Variants in ARFGEF3 observed in about 807,000 individuals in gnomAD.
The protein encoded by ARFGEF3 is brefeldin A-inhibited guanine nucleotide-exchange protein 3.
ARFGEF3 carries 96 observed loss-of-function variants against 221.7 expected under a neutral mutation model. The observed-to-expected ratio is 0.43, with a 90% confidence interval of 0.37 to 0.51. The LOEUF is 0.51. Among genes scored for constraint, ARFGEF3 ranks in the 20% least tolerant of loss-of-function variants. The pLI is 0.00. For synonymous variants in ARFGEF3, 1,145 were observed against 1,126.8 expected (o/e 1.02, Z -0.32); for missense variants, 2,410 against 2,789.9 (o/e 0.86, Z 3.07).
intron 22 of ARFGEF3, among the ~76,000 whole-genome samples, chr6:138,305,793 A>T (rs2114657935): frequency 6.6e-6 from 1 of 152,298 alleles, no homozygotes; most frequent in Middle Eastern, 3.4e-3. Flanking sequence ...CAAAACATTT[A>T]ACAAAATTCA....
chr6:138,202,792 G>A (rs1029667619), intron 2 of ARFGEF3, among the ~76,000 whole-genome samples: 1 of 151,818 alleles, frequency 6.6e-6, no homozygotes, highest in Admixed American at 6.6e-5. Context: ...CACTATTGAC[G>A]TAGACATTTT....
chr6:138,286,419 C>G (rs1779293910), intron 15 of ARFGEF3, among the ~76,000 whole-genome samples: 1 of 143,346 alleles, frequency 7.0e-6, no homozygotes, highest in South Asian at 2.2e-4. Context: ...CACTGCACTC[C>G]AGCCTGGGTG....
chr6:138,335,161 G>T lies in ARFGEF3; in HGVS notation c.6315G>T (p.Ser2105=), dbSNP rs1304464742. 1 of 1,562,424 alleles carries T rather than the reference G, an allele frequency of 6.4e-7. No individual in the cohort carries two copies. Among genetic ancestry groups the T allele is most frequent in the South Asian group, 1.2e-5 (1 of 85,138 alleles). The part of the protein sequence containing the change: ...SGSTGSSLSV[S]VRDAEAQIQA... ...CCACCGGGAGCTCCCTCAGTGTCTC[G>T]GTGAGAGACGCAGAAGCACAGATCC... The change falls in exon 33 of 34, where the codon TCG becomes TCT. Residue 2105 remains serine, a synonymous_variant. Coordinates refer to ENST00000251691, the MANE Select transcript of ARFGEF3 (RefSeq NM_020340.5).
intron 7 of ARFGEF3, 108 bp downstream of exon 7, chr6:138,243,102 T>C (rs1778424303): frequency 2.3e-6 from 2 of 881,230 alleles, no homozygotes; most frequent in South Asian, 2.9e-5. Flanking sequence ...TCGGTTGTTT[T>C]ACCATTCTCT....
intron 12 of ARFGEF3, among the ~76,000 whole-genome samples, chr6:138,278,181 T>TA (rs1779132233): frequency 6.6e-6 from 1 of 152,150 alleles, no homozygotes; most frequent in Admixed American, 6.5e-5. Flanking sequence ...AGGTGAGACT[T>TA]ACAGGGTTTA....
intron 5 of ARFGEF3, among the ~76,000 whole-genome samples, chr6:138,234,085 A>C (rs1294196282): frequency 1.3e-5 from 2 of 152,214 alleles, no homozygotes; most frequent in Non-Finnish European, 2.9e-5. Context: ...TTCTTTGGCA[A>C]GGAATTTCCA....
chr6:138,205,403 G>T (rs185716120), intron 2 of ARFGEF3, among the ~76,000 whole-genome samples: 5 of 152,270 alleles, frequency 3.3e-5, no homozygotes, highest in East Asian at 1.9e-4. Context: ...GTGGAAATTT[G>T]ATTGTTTCAG....
chr6:138,223,237 A>G (rs1168513353), intron 4 of ARFGEF3, among the ~76,000 whole-genome samples: 3 of 152,214 alleles, frequency 2.0e-5, no homozygotes, highest in Admixed American at 2.0e-4. Context: ...TTGCTGCCGA[A>G]TTTGACAGTA....
chr6:138,200,374 C>T (rs982480914), intron 2 of ARFGEF3, among the ~76,000 whole-genome samples: 3 of 152,234 alleles, frequency 2.0e-5, no homozygotes, highest in East Asian at 1.9e-4. Context: ...CAAAGCAACA[C>T]TAAGCAAAAA....
intron 2 of ARFGEF3, among the ~76,000 whole-genome samples, chr6:138,196,139 C>G (rs915283750): frequency 2.6e-5 from 4 of 152,152 alleles, no homozygotes; most frequent in African/African-American, 9.7e-5. Context: ...GCTCAGGGGT[C>G]TGGTGCCTGC....
intron 4 of ARFGEF3, among the ~76,000 whole-genome samples, chr6:138,220,534 TCTTTA>T (rs1403289795): frequency 6.6e-6 from 1 of 152,226 alleles, no homozygotes; most frequent in East Asian, 1.9e-4. Context: ...GTAATTTATA[TCTTTA>T]CTTCTATGAG....
In ARFGEF3 at chr6:138,255,403, G is replaced by A; in HGVS notation, c.771-33G>A. On this transcript the variant is annotated intron_variant, in intron 9 of 33. Coordinates refer to ENST00000251691, the MANE Select transcript of ARFGEF3 (RefSeq NM_020340.5). Reference sequence around the variant, plus strand: ...AGTAAATTTTATCATTTGGCTCGTGGGGAAAGTTACTTTTCTCACCATCTC... The same window carrying A: ...AGTAAATTTTATCATTTGGCTCGTGAGGAAAGTTACTTTTCTCACCATCTC... The A allele has an allele frequency of 4.0e-6, 6 of 1,502,756 alleles. No individual in the cohort carries two copies. In the Middle Eastern group the frequency reaches 5.3e-4, roughly 132 times the overall value. 93.1% of individuals were successfully genotyped at this position (1,502,756 alleles called of 1,614,324 possible). A position where few individuals can be genotyped will look rare whatever the true frequency, so the allele number is the denominator to read the frequency against.
At chr6:138,325,408 C>A (rs1215038456) in intron 31 of ARFGEF3, among the ~76,000 whole-genome samples, 1 of 152,228 alleles carries the variant, frequency 6.6e-6, no homozygotes, top group East Asian at 1.9e-4. Flanking sequence ...CAGTTTCTCA[C>A]ATCTCTGCTG....
chr6:138,278,501 A>G lies in ARFGEF3; in HGVS notation c.2179A>G (p.Met727Val), dbSNP rs540319497. 1.9e-6 allele frequency: 3 copies of G among 1,613,840 alleles called. No individual in the cohort carries two copies. The highest frequency in any genetic ancestry group is 2.7e-5 in the African/African-American group (2 of 74,910). Residue 727 changes from methionine to valine, a missense_variant, in exon 13 of 34, where the codon ATG becomes GTG. Coordinates refer to ENST00000251691, the MANE Select transcript of ARFGEF3 (RefSeq NM_020340.5). ...CGGGAATAGCAGCCTCAGCTTCCAGATGCTGATGAACGCAGACAGCCTCTA... is the reference window on the plus strand; with the variant it reads ...CGGGAATAGCAGCCTCAGCTTCCAGGTGCTGATGAACGCAGACAGCCTCTA... ...FDGNSSLSFQ[M>V]LMNADSLYTA...
Position 138,298,791 on chromosome 6 carries a change from T to C in ARFGEF3, c.3828+6T>C, listed in dbSNP as rs1234976123. On this transcript the variant is annotated splice_donor_region_variant and intron_variant, in intron 22 of 33. Transcript: ENST00000251691. ...ATGAGGACGTCCAAGACCAGGTCAGTGTGACATGGTCATCAGCGTCATAGC... is the reference window on the plus strand; with the variant it reads ...ATGAGGACGTCCAAGACCAGGTCAGCGTGACATGGTCATCAGCGTCATAGC... The C allele has an allele frequency of 6.2e-7, 1 of 1,608,062 alleles. No individual in the cohort carries two copies. Among genetic ancestry groups the C allele is most frequent in the Admixed American group, 1.7e-5 (1 of 59,584 alleles).
At position 138,336,637 on chromosome 6, in the gene ARFGEF3, A is replaced by C; in HGVS notation, c.*151A>C. The stretch of plus-strand genomic sequence containing the variant: ...TTTCCTAATGTAAAAAGCCTTTCCA[A>C]CCACTGATCAGCATTGGGGCCATAC... On this transcript the variant is annotated 3_prime_UTR_variant, in exon 34 of 34. Transcript: ENST00000251691. 1 of 573,656 alleles carries C rather than the reference A, an allele frequency of 1.7e-6. No individual in the cohort carries two copies. The allele number at this position is 573,656 out of a possible 1,614,324, so 35.5% of individuals were successfully genotyped here.
intron 2 of ARFGEF3, among the ~76,000 whole-genome samples, chr6:138,200,193 T>G (rs1777507504): frequency 6.6e-6 from 1 of 152,206 alleles, no homozygotes; most frequent in Non-Finnish European, 1.5e-5. Context: ...GATTTGCATG[T>G]GTTAAATCAT....
At chr6:138,220,100 C>G (rs1777954511) in intron 4 of ARFGEF3, among the ~76,000 whole-genome samples, 1 of 152,184 alleles carries the variant, frequency 6.6e-6, no homozygotes, top group South Asian at 2.1e-4. Flanking sequence ...CTCACTGCAG[C>G]CTTGACCTCC....
intron 2 of ARFGEF3, among the ~76,000 whole-genome samples, chr6:138,187,901 A>G (rs1467074783): frequency 1.3e-5 from 2 of 152,038 alleles, no homozygotes; most frequent in East Asian, 3.9e-4. Flanking sequence ...ATTTTCCTCA[A>G]CTTAGGAACC....
Sources: gnomAD v4.1 joint callset for allele counts (sites outside exome capture counted in the v4.1 genomes callset) on GRCh38, gnomAD v4.1.1 for gene constraint, MANE v1.5 for transcripts, NCBI Gene and HGNC (gene_info 2026-07-23, HGNC 2026-07-21) for gene names.